Variants in LY75 observed in about 807,000 individuals in gnomAD.
LY75 encodes lymphocyte antigen 75.
A neutral mutation model predicts 231.7 loss-of-function variants in LY75; 185 were observed. The observed-to-expected ratio is 0.80, with a 90% CI of 0.71 to 0.90. The LOEUF (loss-of-function observed/expected upper bound fraction) is 0.90, where lower values mean the gene tolerates loss of function less well. Among genes scored for constraint, LY75 ranks in the 40% least tolerant of loss-of-function variants. The probability of loss-of-function intolerance (pLI) is 0.00; values close to 1 mark genes in which losing one functional copy is unlikely to be tolerated. For synonymous variants in LY75, 668 were observed against 689.0 expected, an observed-to-expected ratio of 0.97 and a Z score of 0.48; for missense variants, 1,947 against 2,050.2, an observed-to-expected ratio of 0.95 and a Z score of 0.97.
In LY75 at chr2:159,872,523, C is replaced by T. The variant is rs1281684257; in HGVS notation, c.2045G>A (p.Gly682Glu). 6.2e-7 allele frequency: 1 copy of T among 1,613,974 alleles called. No homozygotes were observed. Among genetic ancestry groups the T allele is most frequent in the Non-Finnish European group, 8.5e-7 (1 of 1,179,932 alleles). Residue 682 changes from glycine (G) to glutamate (E), a missense_variant, in exon 13 of 35, where the codon GGA (glycine) becomes GAA (glutamate). Coordinates refer to ENST00000263636, the MANE Select transcript of LY75 (RefSeq NM_002349.4). ...EEAERFCQAL[G>E]AHLSSFSHVD... ...ATGGCTGAAGCTAGAAAGGTGTGCT[C>T]CAAGGGCTTGGCAGAATCGTTCAGC...
In LY75 at chr2:159,856,096, G is replaced by A. The variant is rs140181746; in HGVS notation, c.2384-1157C>T. ...TTGTGTGTGGGGGAGGGAAAGCTATGGCTAACCTTTAAATATCTTTAAATT... is the reference window on the plus strand; with the variant it reads ...TTGTGTGTGGGGGAGGGAAAGCTATAGCTAACCTTTAAATATCTTTAAATT... On this transcript the variant is annotated intron_variant, in intron 16 of 34. Transcript: ENST00000263636. Among the ~76,000 whole-genome samples the A allele has an allele frequency of 1.6e-3, 237 of 152,214 alleles. 2 individuals carry two copies. The highest frequency in any genetic ancestry group is 2.6e-3 in the Non-Finnish European group (179 of 68,010).
In LY75 at chr2:159,850,351, A is replaced by G; in HGVS notation, c.2989+11T>C. On this transcript the variant is annotated intron_variant, in intron 22 of 34. Transcript: ENST00000263636. ...TCAGAATAAAACATGTTTCCCAAAT[A>G]ATTCCAGTACCTTGTTCAATCTGGC... 2 of 1,613,230 alleles carry G rather than the reference A, an allele frequency of 1.2e-6. 1 individual carries two copies. Among genetic ancestry groups the G allele is most frequent in the East Asian group, 4.5e-5 (2 of 44,852 alleles).
chr2:159,878,597 G>C, intron 10 of LY75, 36 bp downstream of exon 10: 1 of 1,613,478 alleles, frequency 6.2e-7, no homozygotes, highest in Non-Finnish European at 8.5e-7. Flanking sequence ...ATTCAGAGTT[G>C]AAAGTTTATG....
At chr2:159,807,740 T>G in intron 33 of LY75, 2 of 949,096 alleles carry the variant, frequency 2.1e-6, no homozygotes, top group Non-Finnish European at 2.5e-6. Flanking sequence ...ATTCACATTT[T>G]AATAATTTAA....
intron 6 of LY75, among the ~76,000 whole-genome samples, chr2:159,882,674 G>C (rs549509695): frequency 6.6e-6 from 1 of 152,296 alleles, no homozygotes; most frequent in South Asian, 2.1e-4. Flanking sequence ...CCTGGATATG[G>C]AATTTGTTAG....
At chr2:159,890,940 T>A (rs1685734778) in intron 3 of LY75, among the ~76,000 whole-genome samples, 1 of 152,188 alleles carries the variant, frequency 6.6e-6, no homozygotes, top group Non-Finnish European at 1.5e-5. Context: ...TATATGTATT[T>A]GTGTGTATAT....
chr2:159,836,742 C>G (rs1683841892), intron 25 of LY75, among the ~76,000 whole-genome samples: 2 of 152,246 alleles, frequency 1.3e-5, no homozygotes, highest in African/African-American at 4.8e-5. Flanking sequence ...ATCCTAGCCC[C>G]TAACCTAACC....
chr2:159,807,757 A>G, intron 33 of LY75: 5 of 947,886 alleles, frequency 5.3e-6, no homozygotes, highest in Non-Finnish European at 6.3e-6. Context: ...TTAAAATTCA[A>G]CTTTGCATAA....
intron 23 of LY75, among the ~76,000 whole-genome samples, chr2:159,843,475 A>G (rs1359678425): frequency 8.2e-6 from 1 of 121,304 alleles, no homozygotes; most frequent in Non-Finnish European, 1.8e-5. Context: ...AGGAAATGGA[A>G]AATTAATAAT....
chr2:159,904,726 C>A lies in LY75; in HGVS notation c.-44G>T. ...TTCCGGCCGGGTCCTCGGGCGCACG[C>A]GGCTCCCGCCCCGCCTGCTGAGCGC... On this transcript the variant is annotated 5_prime_UTR_variant, in exon 1 of 35. Transcript: ENST00000263636. 5.8e-6 allele frequency: 8 copies of A among 1,376,410 alleles called. No individual in the cohort carries two copies. Among genetic ancestry groups the A allele is most frequent in the Non-Finnish European group, 7.5e-6 (8 of 1,071,746 alleles). The allele number at this position is 1,376,410 out of a possible 1,614,324, so 85.3% of individuals were successfully genotyped here.
intron 2 of LY75, among the ~76,000 whole-genome samples, chr2:159,896,435 G>C (rs1322655514): frequency 1.3e-5 from 2 of 152,166 alleles, no homozygotes; most frequent in Non-Finnish European, 2.9e-5. Flanking sequence ...TAAAGCCAAG[G>C]GGGAAAGAAA....
chr2:159,870,970 A>G (rs1007872857), intron 13 of LY75, among the ~76,000 whole-genome samples: 7 of 152,062 alleles, frequency 4.6e-5, no homozygotes, highest in Non-Finnish European at 1.0e-4. Context: ...TTTACACATT[A>G]TAGTATTGTT....
At chr2:159,820,782 C>T (rs1463528724) in intron 28 of LY75, among the ~76,000 whole-genome samples, 1 of 152,208 alleles carries the variant, frequency 6.6e-6, no homozygotes, top group African/African-American at 2.4e-5. Flanking sequence ...ATAAAAGTCA[C>T]CACAGAAATC....
At chr2:159,841,766 T>A (rs1245574794) in intron 24 of LY75, among the ~76,000 whole-genome samples, 1 of 152,132 alleles carries the variant, frequency 6.6e-6, no homozygotes. Flanking sequence ...AATATGAAGT[T>A]TTTTTCTCCT....
At chr2:159,835,151 A>G (rs1446135346) in intron 26 of LY75, among the ~76,000 whole-genome samples, 2 of 152,210 alleles carry the variant, frequency 1.3e-5, no homozygotes, top group South Asian at 2.1e-4. Context: ...TGATATTATG[A>G]ATCACAAAAG....
intron 4 of LY75, among the ~76,000 whole-genome samples, chr2:159,886,805 G>A (rs1685600833): frequency 6.6e-6 from 1 of 152,156 alleles, no homozygotes; most frequent in Admixed American, 6.6e-5. Flanking sequence ...AAGCTTCTTA[G>A]AGTAGCTGTC....
intron 16 of LY75, among the ~76,000 whole-genome samples, chr2:159,857,428 A>G (rs918291243): frequency 2.6e-5 from 4 of 152,174 alleles, no homozygotes; most frequent in African/African-American, 7.2e-5. Context: ...AATTAATTTC[A>G]TACAGCCAAT....
chr2:159,809,649 C>A (rs997036118), intron 32 of LY75, among the ~76,000 whole-genome samples: 1 of 151,354 alleles, frequency 6.6e-6, no homozygotes, highest in East Asian at 1.9e-4. Flanking sequence ...TATTATTTTA[C>A]ATTTATTATT....
In LY75 at chr2:159,904,665, C is replaced by A. The variant is rs1182466748; in HGVS notation, c.18G>T (p.Ala6=). MRTGW[A]TPRRPAGLLM... ...GGAGCCCCGCCGGGCGGCGAGGGGT[C>A]GCCCAGCCTGTCCTCATCCTGAGCT... Residue 6 remains alanine (A), a synonymous_variant, in exon 1 of 35, where the codon GCG becomes GCT. Coordinates refer to ENST00000263636, the MANE Select transcript of LY75 (RefSeq NM_002349.4). 6 of 1,485,286 alleles carry A rather than the reference C, an allele frequency of 4.0e-6. No homozygotes were observed. The South Asian group carries it at 6.3e-5, about 16-fold the overall frequency. The allele number at this position is 1,485,286 out of a possible 1,614,324, so 92.0% of individuals were successfully genotyped here.
Sources: allele counts gnomAD v4.1 joint callset (sites outside exome capture counted in the v4.1 genomes callset), GRCh38; gene constraint gnomAD v4.1.1; transcripts MANE v1.5; gene names NCBI Gene and HGNC (gene_info 2026-07-23, HGNC 2026-07-21).